ARHGEF10L: variants seen among roughly 807,000 people sequenced by gnomAD.
ARHGEF10L encodes the protein rho guanine nucleotide exchange factor 10-like protein.
ARHGEF10L carries 69 observed loss-of-function variants against 141.2 expected under a neutral mutation model. That is an observed-to-expected ratio of 0.49 (90% CI 0.40 to 0.60). ARHGEF10L has a LOEUF of 0.60. Ranked by LOEUF, ARHGEF10L falls within the 20% of genes least tolerant of loss-of-function variation. The pLI is 0.00. For missense variants in ARHGEF10L, 1,482 were observed against 1,734.3 expected, an observed-to-expected ratio of 0.85 and a Z score of 2.58; for synonymous variants, 711 against 718.5, an observed-to-expected ratio of 0.99 and a Z score of 0.17.
chr1:17,622,858 C>A (rs549388929), intron 11 of ARHGEF10L, 138 bp from the exon 12 acceptor site: 1 of 822,020 alleles, frequency 1.2e-6, no homozygotes, highest in Non-Finnish European at 1.9e-6. Flanking sequence ...TCCGGAAGGA[C>A]GCATGAGGAG....
chr1:17,516,134 C>T, the ARHGEF10L span, among the ~76,000 whole-genome samples: 1 of 152,220 alleles, frequency 6.6e-6, no homozygotes, highest in Admixed American at 6.5e-5. Context: ...CTGGGGGAGC[C>T]GGTTGCCCGG....
chr1:17,689,291 C>T (rs1276895418), intron 27 of ARHGEF10L, among the ~76,000 whole-genome samples: 2 of 151,900 alleles, frequency 1.3e-5, no homozygotes, highest in African/African-American at 4.8e-5. Context: ...GATGTAGGTC[C>T]CAGCTCAGGG....
At position 17,697,437 on chromosome 1, in the gene ARHGEF10L, G is replaced by A; in HGVS notation, c.*57G>A. ...GCAGGCCTGACCAAGGCCACGCCCG[G>A]CTCTCGTGCTCTAGGACCTGCACGG... On this transcript the variant is annotated 3_prime_UTR_variant, in exon 29 of 29. Transcript: ENST00000361221. This position sits in a 1 kb window ranked among gnomAD's most constrained non-coding sequence, Gnocchi z 4.8. The A allele has an allele frequency of 6.6e-7, 1 of 1,526,396 alleles. No individual in the cohort carries two copies. Among genetic ancestry groups the A allele is most frequent in the Non-Finnish European group, 8.8e-7 (1 of 1,134,876 alleles). The allele number at this position is 1,526,396 out of a possible 1,614,324, so 94.6% of individuals were successfully genotyped here.
intron 5 of ARHGEF10L, among the ~76,000 whole-genome samples, chr1:17,602,771 C>T (rs1032096135): frequency 2.6e-5 from 4 of 152,258 alleles, no homozygotes; most frequent in Middle Eastern, 6.8e-3. Context: ...GTTCTCAAGG[C>T]AATAGGAAGC....
Position 17,613,128 on chromosome 1 carries a change from T to G in ARHGEF10L, c.680T>G (p.Val227Gly). 1 of 1,613,846 alleles carries G rather than the reference T, an allele frequency of 6.2e-7. No homozygotes were observed. The highest frequency in any genetic ancestry group is 8.5e-7 in the Non-Finnish European group (1 of 1,179,922). The stretch of plus-strand genomic sequence containing the variant: ...AAGAGAGACATCTTGGCTTTGAGAG[T>G]TGGGGGGAGAGACATGCAGGAGCTG... The part of the protein sequence containing the change: ...RTKRDILALR[V>G]GGRDMQELKH... The change falls in exon 8 of 29, where the codon GTT becomes GGT. Residue 227 changes from valine (V) to glycine (G), a missense_variant. Around this residue, in one of 3 missense-constraint regions of ARHGEF10L, gnomAD observed 392 missense variants for 542.1 expected, o/e 0.72. Transcript: ENST00000361221.
At chr1:17,657,737 G>A (rs549957099) in intron 25 of ARHGEF10L, among the ~76,000 whole-genome samples, 5 of 152,342 alleles carry the variant, frequency 3.3e-5, no homozygotes, top group East Asian at 1.9e-4. Flanking sequence ...CAGACAGAGC[G>A]TGCATGTGAA....
At chr1:17,566,867 T>G (rs1437819519) in intron 1 of ARHGEF10L, among the ~76,000 whole-genome samples, 2 of 151,602 alleles carry the variant, frequency 1.3e-5, no homozygotes, top group East Asian at 3.9e-4. Flanking sequence ...CAAGGGGGGG[T>G]TGTTGGATGG....
intron 26 of ARHGEF10L, among the ~76,000 whole-genome samples, chr1:17,676,002 GTGCAGGTGTGGA>G (rs2063668440): frequency 6.6e-6 from 1 of 150,594 alleles, no homozygotes; most frequent in Non-Finnish European, 1.5e-5. Context: ...GCAGGTGTGG[GTGCAGGTGTGGA>G]TGCAGGTATG....
In ARHGEF10L at chr1:17,623,695, G is replaced by T. The variant is rs992742010; in HGVS notation, c.1200+520G>T. 3.3e-5 allele frequency among the ~76,000 whole-genome samples: 5 copies of T among 152,202 alleles called. No homozygotes were observed. The highest frequency in any genetic ancestry group is 7.3e-5 in the Non-Finnish European group (5 of 68,034). ...AGGCTTGCCATCTGTGGAATGAGGG[G>T]TGCACTGGATTTCTGGCTTTTCTAG... On this transcript the variant is annotated intron_variant, in intron 12 of 28. Coordinates refer to ENST00000361221, the MANE Select transcript of ARHGEF10L (RefSeq NM_018125.4). The surrounding 1 kb of genome is among the most constrained non-coding windows in gnomAD (Gnocchi z 4.7).
At chr1:17,613,550 G>A (rs1252068305) in intron 8 of ARHGEF10L, among the ~76,000 whole-genome samples, 1 of 152,012 alleles carries the variant, frequency 6.6e-6, no homozygotes, top group Admixed American at 6.5e-5. Context: ...TCTGGGACGA[G>A]GCTCAGGAAT....
Position 17,615,299 on chromosome 1 carries a change from C to T in ARHGEF10L, c.727-795C>T, listed in dbSNP as rs2059746353. The T allele has an allele frequency of 6.6e-6, 1 of 152,270 alleles. No individual in the cohort carries two copies. The highest frequency in any genetic ancestry group is 2.4e-5 in the African/African-American group (1 of 41,444). 9.4% of individuals were successfully genotyped at this position (152,270 alleles called of 1,614,324 possible). A position where few individuals can be genotyped will look rare whatever the true frequency, so the allele number is the denominator to read the frequency against. ...AGGACTGGCTGAGGGGACAGCAGCT[C>T]TGTCAGGCCTGGGTTCCCCCAGCAC... On this transcript the variant is annotated intron_variant, in intron 8 of 28. Coordinates refer to ENST00000361221, the MANE Select transcript of ARHGEF10L (RefSeq NM_018125.4). The surrounding 1 kb of genome is among the most constrained non-coding windows in gnomAD (Gnocchi z 4.7).
Position 17,603,421 on chromosome 1 carries a change from C to A in ARHGEF10L, c.350-87C>A, listed in dbSNP as rs2080879709. On this transcript the variant is annotated intron_variant, in intron 5 of 28. Coordinates refer to ENST00000361221, the MANE Select transcript of ARHGEF10L (RefSeq NM_018125.4). This position sits in a 1 kb window ranked among gnomAD's most constrained non-coding sequence, Gnocchi z 4.8. ...AAAGGAGGGTGCTGCGTGCCACCAG[C>A]TGGTGCAGTCCTGATGTCATCTGCA... 4.9e-6 allele frequency: 5 copies of A among 1,018,552 alleles called. No homozygotes were observed. The highest frequency in any genetic ancestry group is 7.2e-6 in the Non-Finnish European group (5 of 691,146). 63.1% of individuals were successfully genotyped at this position (1,018,552 alleles called of 1,614,324 possible).
chr1:17,568,363 AC>A (rs1170002395), intron 1 of ARHGEF10L, among the ~76,000 whole-genome samples: 1 of 152,204 alleles, frequency 6.6e-6, no homozygotes, highest in East Asian at 1.9e-4. Context: ...GGAAGAGGAA[AC>A]CAGGGATCGG....
At chr1:17,578,265 G>A (rs1312575502) in intron 1 of ARHGEF10L, among the ~76,000 whole-genome samples, 11 of 152,164 alleles carry the variant, frequency 7.2e-5, no homozygotes, top group Admixed American at 1.3e-4. Context: ...CAGGAGTGCC[G>A]TGCAGCTACA....
chr1:17,543,795 C>T (rs1343235784), intron 1 of ARHGEF10L, among the ~76,000 whole-genome samples: 1 of 151,160 alleles, frequency 6.6e-6, no homozygotes, highest in Non-Finnish European at 1.5e-5. Flanking sequence ...TTACAGGTGC[C>T]TGCCACCACG....
chr1:17,679,085 C>T (rs1250277699), intron 26 of ARHGEF10L, among the ~76,000 whole-genome samples: 1 of 152,212 alleles, frequency 6.6e-6, no homozygotes, highest in Non-Finnish European at 1.5e-5. Context: ...ATCGCTCCAT[C>T]CCTTGCAGGC....
At chr1:17,582,140 G>T (rs1012624323) in intron 2 of ARHGEF10L, among the ~76,000 whole-genome samples, 32 of 152,016 alleles carry the variant, frequency 2.1e-4, no homozygotes, top group Admixed American at 1.8e-3. Context: ...TGATTGCCGG[G>T]GGGAGGATAG....
At chr1:17,578,635 A>G (rs915739005) in intron 1 of ARHGEF10L, among the ~76,000 whole-genome samples, 1 of 152,218 alleles carries the variant, frequency 6.6e-6, no homozygotes, top group African/African-American at 2.4e-5. Context: ...ACAGTGAGCC[A>G]TGATTGTGCC....
intron 4 of ARHGEF10L, among the ~76,000 whole-genome samples, chr1:17,591,737 G>A (rs2079563894): frequency 1.3e-5 from 2 of 150,468 alleles, no homozygotes. Flanking sequence ...TTGTAGAGAT[G>A]GAGATCTCAC....
Sources: gnomAD v4.1 joint callset for allele counts (sites outside exome capture counted in the v4.1 genomes callset) on GRCh38, gnomAD v4.1.1 for gene constraint, gnomAD v4.1.1 regional missense constraint, Gnocchi (gnomAD v3.1) non-coding constraint, MANE v1.5 for transcripts, NCBI Gene and HGNC (gene_info 2026-07-23, HGNC 2026-07-21) for gene names.